MARCHF1: variants seen among roughly 807,000 people sequenced by gnomAD.
MARCHF1 encodes membrane associated ring-CH-type finger 1.
In MARCHF1, 40 loss-of-function variants were observed where a neutral mutation model predicts 54.2. That is an observed-to-expected ratio of 0.74 (90% confidence interval 0.57 to 0.96). The LOEUF (loss-of-function observed/expected upper bound fraction) is 0.96. Ranked by LOEUF, MARCHF1 falls within the 40% of genes least tolerant of loss-of-function variation. The probability of loss-of-function intolerance (pLI) is 0.00; values close to 1 mark genes in which losing one functional copy is unlikely to be tolerated. For synonymous variants in MARCHF1, 236 were observed against 236.3 expected (o/e 1.00, Z 0.01); for missense variants, 586 against 656.5 (o/e 0.89, Z 1.17).
intron 2 of MARCHF1, among the ~76,000 whole-genome samples, chr4:164,079,830 C>T (rs1238526819): frequency 2.0e-5 from 3 of 152,030 alleles, no homozygotes. Flanking sequence ...TTTTAAGTAG[C>T]ATAGTTTTCT....
rs567834829 is a variant in MARCHF1, at chr4:163,924,772, A to T, written c.-39+63729T>A. Among the ~76,000 whole-genome samples the T allele has an allele frequency of 8.6e-5, 13 of 152,006 alleles. No homozygotes were observed. In the South Asian group the frequency reaches 2.7e-3, roughly 32 times the overall value. On this transcript the variant is annotated intron_variant, in intron 3 of 9. Coordinates refer to ENST00000514618, the MANE Select transcript of MARCHF1 (RefSeq NM_001394959.1). ...ATTGAGCCTAGAAAGGTTTAATCCA[A>T]AGTCCAAGCTCTTCGCCAAATTTGC... is the stretch of plus-strand genomic sequence containing the variant.
At chr4:163,975,186 T>A (rs866590682) in intron 3 of MARCHF1, among the ~76,000 whole-genome samples, 2,132 of 134,992 alleles carry the variant, frequency 0.016, 59 homozygotes, top group African/African-American at 0.07. Context: ...TCTCTCTCTC[T>A]CTCTCTCTCT....
At position 163,880,904 on chromosome 4, in the gene MARCHF1, C is replaced by T. The variant is rs995171769; in HGVS notation, c.-38-26735G>A. Among the ~76,000 whole-genome samples the T allele has an allele frequency of 2.0e-4, 30 of 152,072 alleles. 1 individual carries two copies. Among genetic ancestry groups the T allele is most frequent in the Admixed American group, 1.5e-3 (23 of 15,262 alleles). On this transcript the variant is annotated intron_variant, in intron 3 of 9. Transcript: ENST00000514618. ...TCATGGGTTTCCACCTGAACTCCTG[C>T]CTCAGGGATTGCGTTCATACCCATG... is the stretch of plus-strand genomic sequence containing the variant.
chr4:163,903,984 A>T (rs1424772493), intron 3 of MARCHF1, among the ~76,000 whole-genome samples: 2 of 152,180 alleles, frequency 1.3e-5, no homozygotes, highest in Non-Finnish European at 2.9e-5. Flanking sequence ...GTTTTTAATT[A>T]TTGTGCTTAA....
At chr4:164,342,051 G>A (rs889068605) in intron 1 of MARCHF1, among the ~76,000 whole-genome samples, 13 of 151,988 alleles carry the variant, frequency 8.6e-5, no homozygotes, top group African/African-American at 2.2e-4. Flanking sequence ...TGCAAACCCC[G>A]TATCCACTAA....
rs1476433037 is a variant in MARCHF1 at position 163,527,693 on chromosome 4, TAAAG to T, written c.*1051_*1054del. 1 of 152,060 alleles carries T rather than the reference TAAAG, an allele frequency of 6.6e-6. No homozygotes were observed. The highest frequency in any genetic ancestry group is 6.6e-5 in the Admixed American group (1 of 15,256). The allele number at this position is 152,060 out of a possible 1,614,324, so 9.4% of individuals were successfully genotyped here. A position where few individuals can be genotyped will look rare whatever the true frequency, so the allele number is the denominator to read the frequency against. On this transcript the variant is annotated 3_prime_UTR_variant, in exon 10 of 10. Coordinates refer to ENST00000514618, the MANE Select transcript of MARCHF1 (RefSeq NM_001394959.1). ...TTTGAAATACTCAACAACTGTTAAA[TAAAG>T]CAGAAGCTTAGTCTCTAATTTTACG...
intron 2 of MARCHF1, among the ~76,000 whole-genome samples, chr4:163,999,669 A>G (rs778892783): frequency 3.6e-4 from 55 of 151,754 alleles, no homozygotes; most frequent in South Asian, 2.1e-4. Flanking sequence ...TATTGTATTG[A>G]AGAAAATAAT....
At chr4:163,661,415 C>A (rs1353083268) in intron 5 of MARCHF1, among the ~76,000 whole-genome samples, 1 of 151,944 alleles carries the variant, frequency 6.6e-6, no homozygotes, top group Admixed American at 6.6e-5. Flanking sequence ...TGATTTCAAG[C>A]TGTTGCTTTG....
chr4:163,908,426 T>C (rs1211112883), intron 3 of MARCHF1, among the ~76,000 whole-genome samples: 1 of 152,152 alleles, frequency 6.6e-6, no homozygotes, highest in Non-Finnish European at 1.5e-5. Flanking sequence ...ACTTATAAGC[T>C]GGTTAAGAAG....
chr4:164,313,772 G>T (rs1291204232), intron 1 of MARCHF1, among the ~76,000 whole-genome samples: 1 of 152,076 alleles, frequency 6.6e-6, no homozygotes, highest in Non-Finnish European at 1.5e-5. Context: ...AATCTACCCA[G>T]TCACCCAAAC....
intron 1 of MARCHF1, among the ~76,000 whole-genome samples, chr4:164,261,657 C>T (rs1308957727): frequency 6.6e-6 from 1 of 152,116 alleles, no homozygotes; most frequent in Non-Finnish European, 1.5e-5. Flanking sequence ...GAATGCTTTC[C>T]CATCAGCTCT....
At chr4:163,922,691 GAT>G (rs1751457654) in intron 3 of MARCHF1, among the ~76,000 whole-genome samples, 1 of 152,034 alleles carries the variant, frequency 6.6e-6, no homozygotes, top group African/African-American at 2.4e-5. Flanking sequence ...AGCTACATTA[GAT>G]ATTTTAGCTA....
intron 1 of MARCHF1, among the ~76,000 whole-genome samples, chr4:164,222,894 T>C (rs961419693): frequency 6.6e-6 from 1 of 152,036 alleles, no homozygotes; most frequent in African/African-American, 2.4e-5. Context: ...GACTGGGTAA[T>C]TTATAAAGTA....
At chr4:164,322,425 A>G (rs1463918598) in intron 1 of MARCHF1, among the ~76,000 whole-genome samples, 2 of 151,872 alleles carry the variant, frequency 1.3e-5, no homozygotes, top group African/African-American at 4.8e-5. Context: ...TTTTGAGGAA[A>G]GTAGTGGGAG....
intron 5 of MARCHF1, among the ~76,000 whole-genome samples, chr4:163,635,603 T>C (rs1237949490): frequency 2.7e-5 from 4 of 149,136 alleles, no homozygotes; most frequent in African/African-American, 9.9e-5. Flanking sequence ...CAATAATCAA[T>C]AGCTTACCAA....
intron 4 of MARCHF1, among the ~76,000 whole-genome samples, chr4:163,711,148 C>G (rs925213133): frequency 1.3e-5 from 2 of 151,990 alleles, no homozygotes; most frequent in Non-Finnish European, 2.9e-5. Flanking sequence ...CCTTCTCTCA[C>G]AGTAGTCTTC....
chr4:163,620,870 G>A (rs1042534734), intron 5 of MARCHF1, among the ~76,000 whole-genome samples: 8 of 152,050 alleles, frequency 5.3e-5, no homozygotes, highest in Non-Finnish European at 8.8e-5. Flanking sequence ...TGTATATTTC[G>A]TAATGTTTAA....
intron 1 of MARCHF1, among the ~76,000 whole-genome samples, chr4:164,133,535 T>C (rs371601353): frequency 3.3e-5 from 5 of 152,254 alleles, no homozygotes; most frequent in Middle Eastern, 3.4e-3. Context: ...AGCACAAATA[T>C]AAACACAAAT....
At chr4:163,901,157 A>T (rs769553861) in intron 3 of MARCHF1, among the ~76,000 whole-genome samples, 108 of 152,206 alleles carry the variant, frequency 7.1e-4, no homozygotes, top group Admixed American at 5.9e-4. Context: ...TTCAGCTTTA[A>T]GGATAAACTA....
Sources: allele counts gnomAD v4.1 joint callset (sites outside exome capture counted in the v4.1 genomes callset), GRCh38; gene constraint gnomAD v4.1.1; transcripts MANE v1.5; gene names NCBI Gene and HGNC (gene_info 2026-07-23, HGNC 2026-07-21).